CPLX4: variants seen among roughly 807,000 people sequenced by gnomAD.
The protein encoded by CPLX4 is complexin-4.
In CPLX4, 17 loss-of-function variants were observed where a neutral mutation model predicts 16.1. The observed-to-expected ratio is 1.06, with a 90% CI of 0.72 to 1.59. The LOEUF is 1.59. CPLX4 is among the 40% of genes most tolerant of loss of function. The pLI is 0.00. For synonymous variants in CPLX4, 55 were observed against 57.8 expected, an observed-to-expected ratio of 0.95 and a Z score of 0.22; for missense variants, 193 against 192.9, an observed-to-expected ratio of 1.00 and a Z score of 0.00.
At chr18:59,312,502 AATATATATAT>A (rs1422286029) in intron 2 of CPLX4, among the ~76,000 whole-genome samples, 173 bp downstream of exon 2, 1 of 146,238 alleles carries the variant, frequency 6.8e-6, no homozygotes, top group Admixed American at 6.9e-5. Context: ...ATATATCCTG[AATATATATAT>A]ATCCTGAATA....
chr18:59,306,937 C>A (rs751565765), intron 2 of CPLX4, among the ~76,000 whole-genome samples: 20 of 152,150 alleles, frequency 1.3e-4, no homozygotes, highest in Non-Finnish European at 2.4e-4. Context: ...AATGCTTACC[C>A]AATATGGGCT....
intron 2 of CPLX4, among the ~76,000 whole-genome samples, chr18:59,309,763 CA>C (rs1318459008): frequency 7.3e-6 from 1 of 137,028 alleles, no homozygotes; most frequent in Non-Finnish European, 1.5e-5. Flanking sequence ...GCAGAGCTTG[CA>C]GTGAGGGGAG....
chr18:59,312,257 A>G (rs1012624994), intron 2 of CPLX4, among the ~76,000 whole-genome samples: 5 of 152,090 alleles, frequency 3.3e-5, no homozygotes, highest in Admixed American at 3.3e-4. Context: ...AATGTCATCT[A>G]TAGGTATTAA....
chr18:59,309,665 T>C (rs1428574122), intron 2 of CPLX4, among the ~76,000 whole-genome samples: 7 of 150,980 alleles, frequency 4.6e-5, no homozygotes, highest in Non-Finnish European at 1.0e-4. Flanking sequence ...CTACTAAAAA[T>C]ACAAAAAATT....
At position 59,318,174 on chromosome 18, in the gene CPLX4, G is replaced by A. The variant is rs180728204; in HGVS notation, c.167+122C>T. ...AAGAACAACCTTTCCTTGGGTTAGA[G>A]GTAAACGGCAAAAGGAAAGGCATCT... On this transcript the variant is annotated intron_variant, in intron 1 of 2. Transcript: ENST00000299721. The A allele has an allele frequency of 3.0e-4, 429 of 1,443,300 alleles. 1 individual carries two copies. The African/African-American group carries it at 5.5e-3, about 18-fold the overall frequency. 89.4% of individuals were successfully genotyped at this position (1,443,300 alleles called of 1,614,324 possible).
Position 59,296,754 on chromosome 18 carries a change from G to A in CPLX4, c.427C>T (p.Gln143Ter). ...MDLDTIKEKA[Q>*]ATFTEIKQTA... Reference sequence around the variant, plus strand: ...TGCTTGATTTCAGTGAAGGTGGCCTGGGCTTTTTCTTTTATGGTATCCAAG... The same window carrying A: ...TGCTTGATTTCAGTGAAGGTGGCCTAGGCTTTTTCTTTTATGGTATCCAAG... The change falls in exon 3 of 3, where the codon CAG (glutamine) becomes TAG (stop). Residue 143 changes from glutamine to a stop codon, truncating the protein, a stop_gained. Coordinates refer to ENST00000299721, the MANE Select transcript of CPLX4 (RefSeq NM_181654.4). LOFTEE classifies it high-confidence loss of function. 1 of 1,613,660 alleles carries A rather than the reference G, an allele frequency of 6.2e-7. No homozygotes were observed. The highest frequency in any genetic ancestry group is 8.5e-7 in the Non-Finnish European group (1 of 1,179,948).
chr18:59,317,188 C>T (rs1465363828), intron 1 of CPLX4, among the ~76,000 whole-genome samples: 1 of 152,080 alleles, frequency 6.6e-6, no homozygotes, highest in Non-Finnish European at 1.5e-5. Context: ...TTGTTTCCTC[C>T]AGGTCATTAA....
chr18:59,312,438 G>GTGTA (rs1555670245), intron 2 of CPLX4, among the ~76,000 whole-genome samples: 1 of 143,552 alleles, frequency 7.0e-6, no homozygotes. Context: ...ATGTGTGTGT[G>GTGTA]TATATATATA....
chr18:59,309,091 C>G (rs1355883010), intron 2 of CPLX4, among the ~76,000 whole-genome samples: 2 of 152,166 alleles, frequency 1.3e-5, no homozygotes, highest in African/African-American at 4.8e-5. Context: ...GGCAGTCTGC[C>G]CAGAGTAGCC....
In CPLX4 at chr18:59,312,673, A is replaced by G. The variant is rs1318911164; in HGVS notation, c.255+12T>C. On this transcript the variant is annotated intron_variant, in intron 2 of 2. Coordinates refer to ENST00000299721, the MANE Select transcript of CPLX4 (RefSeq NM_181654.4). The stretch of plus-strand genomic sequence containing the variant: ...AATTAAGAAATGATTAGATGTTTCC[A>G]GAGTGTCTTACCTTTGGGAGCCTGT... The G allele has an allele frequency of 9.5e-7, 1 of 1,053,834 alleles. No homozygotes were observed. 65.3% of individuals were successfully genotyped at this position (1,053,834 alleles called of 1,614,324 possible).
At chr18:59,309,739 G>C (rs978797773) in intron 2 of CPLX4, among the ~76,000 whole-genome samples, 2 of 150,362 alleles carry the variant, frequency 1.3e-5, no homozygotes, top group Non-Finnish European at 3.0e-5. Context: ...AGGAGAATGG[G>C]GTGAACCCAG....
At position 59,297,011 on chromosome 18, in the gene CPLX4, G is replaced by C. The variant is rs908069759; in HGVS notation, c.256-86C>G. On this transcript the variant is annotated intron_variant, in intron 2 of 2. Coordinates refer to ENST00000299721, the MANE Select transcript of CPLX4 (RefSeq NM_181654.4). ...TAAATTTTAAAAGCAGCAGGAAAAG[G>C]TCTTTAGAGAATACAGGAAGTGAGT... The C allele has an allele frequency of 5.5e-5, 83 of 1,507,758 alleles. No homozygotes were observed. The African/African-American group carries it at 1.1e-3, about 20-fold the overall frequency. The allele number at this position is 1,507,758 out of a possible 1,614,324, so 93.4% of individuals were successfully genotyped here. A position where few individuals can be genotyped will look rare whatever the true frequency, so the allele number is the denominator to read the frequency against.
rs2070597805 is a variant in CPLX4, at chr18:59,309,016, A to G, written c.255+3669T>C. On this transcript the variant is annotated intron_variant, in intron 2 of 2. Coordinates refer to ENST00000299721, the MANE Select transcript of CPLX4 (RefSeq NM_181654.4). ...AGCTGGTGATAACTGGACTAAGTGG[A>G]ATACGATCCAGCTGATTTTTTAAAC... is the stretch of plus-strand genomic sequence containing the variant. 2.0e-5 allele frequency among the ~76,000 whole-genome samples: 3 copies of G among 152,254 alleles called. No individual in the cohort carries two copies. In the South Asian group the frequency reaches 6.2e-4, roughly 31 times the overall value.
At chr18:59,315,956 A>T (rs1234144273) in intron 1 of CPLX4, among the ~76,000 whole-genome samples, 1 of 152,204 alleles carries the variant, frequency 6.6e-6, no homozygotes, top group African/African-American at 2.4e-5. Flanking sequence ...GCAGCTAGCT[A>T]GTCTCCCCCC....
intron 2 of CPLX4, among the ~76,000 whole-genome samples, chr18:59,301,534 G>A (rs919698881): frequency 6.6e-6 from 1 of 151,552 alleles, no homozygotes; most frequent in Non-Finnish European, 1.5e-5. Flanking sequence ...CTGTGCCATG[G>A]ACATCTTATG....
intron 2 of CPLX4, among the ~76,000 whole-genome samples, chr18:59,301,454 G>A (rs889393970): frequency 4.5e-4 from 68 of 152,342 alleles, no homozygotes; most frequent in African/African-American, 1.5e-3. Context: ...AAGGCTACTG[G>A]CCCTCCACCA....
At chr18:59,308,303 A>G (rs2070591326) in intron 2 of CPLX4, among the ~76,000 whole-genome samples, 1 of 152,006 alleles carries the variant, frequency 6.6e-6, no homozygotes, top group Non-Finnish European at 1.5e-5. Flanking sequence ...GAAGATTCCA[A>G]TTCCTTCAGC....
At chr18:59,312,601 A>G in intron 2 of CPLX4, 84 bp downstream of exon 2, 1 of 536,770 alleles carries the variant, frequency 1.9e-6, no homozygotes, top group Admixed American at 2.8e-5. Flanking sequence ...CATATTCAGG[A>G]ACATGATCCT....
intron 1 of CPLX4, 58 bp from the exon 2 acceptor site, chr18:59,312,830 C>A: frequency 3.6e-6 from 3 of 844,738 alleles, no homozygotes; most frequent in South Asian, 1.4e-5. Flanking sequence ...CATTCCTGCC[C>A]GTGCTCAGAG....
Sources: gnomAD v4.1 joint callset for allele counts (sites outside exome capture counted in the v4.1 genomes callset) on GRCh38, gnomAD v4.1.1 for gene constraint, MANE v1.5 for transcripts, NCBI Gene and HGNC (gene_info 2026-07-23, HGNC 2026-07-21) for gene names.